Variants in GRID2 observed in about 807,000 individuals in gnomAD.
GRID2 encodes the protein glutamate ionotropic receptor delta type subunit 2, also known as glutamate receptor ionotropic, delta-2.
Under a neutral mutation model 114.8 loss-of-function variants are expected in GRID2, and 33 were observed. The ratio of observed to expected loss-of-function variants is 0.29; its 90% CI spans 0.22 to 0.38. GRID2 has a LOEUF of 0.38. Among genes scored for constraint, GRID2 ranks in the 10% least tolerant of loss-of-function variants. The pLI is 1.00. For missense variants in GRID2, 1,184 were observed against 1,257.7 expected (o/e 0.94, Z 0.89); for synonymous variants, 505 against 449.9 (o/e 1.12, Z -1.55).
intron 2 of GRID2, among the ~76,000 whole-genome samples, chr4:92,880,489 G>T (rs1490824783): frequency 6.6e-6 from 1 of 152,140 alleles, no homozygotes; most frequent in Non-Finnish European, 1.5e-5. Context: ...AATAATGAAT[G>T]ATTATAATTA....
intron 8 of GRID2, among the ~76,000 whole-genome samples, chr4:93,388,849 G>A (rs1444860327): frequency 1.3e-5 from 2 of 152,176 alleles, no homozygotes; most frequent in Non-Finnish European, 2.9e-5. Flanking sequence ...GAGAGGTGGT[G>A]AGACTGACAG....
At chr4:93,322,199 C>A (rs994537657) in intron 8 of GRID2, among the ~76,000 whole-genome samples, 8 of 152,092 alleles carry the variant, frequency 5.3e-5, no homozygotes, top group Admixed American at 3.9e-4. Context: ...CTCCCCGCTT[C>A]CCCCACCCAA....
At chr4:92,904,738 C>G (rs561041398) in intron 2 of GRID2, among the ~76,000 whole-genome samples, 2 of 152,000 alleles carry the variant, frequency 1.3e-5, no homozygotes, top group African/African-American at 4.8e-5. Flanking sequence ...GGAATCAGCT[C>G]AGGGGAGCAA....
intron 13 of GRID2, among the ~76,000 whole-genome samples, chr4:93,552,079 T>A (rs561955301): frequency 7.1e-6 from 1 of 139,988 alleles, no homozygotes; most frequent in African/African-American, 2.6e-5. Context: ...CCTTCCTGTG[T>A]CCATGTGTTC....
intron 2 of GRID2, among the ~76,000 whole-genome samples, chr4:92,895,538 A>T (rs1747102995): frequency 6.6e-6 from 1 of 151,748 alleles, no homozygotes; most frequent in Admixed American, 6.6e-5. Context: ...GGTAGACCGA[A>T]TTGGGATCAA....
chr4:93,705,194 C>T (rs942907324), intron 14 of GRID2, among the ~76,000 whole-genome samples: 3 of 152,154 alleles, frequency 2.0e-5, no homozygotes, highest in African/African-American at 7.2e-5. Flanking sequence ...TTACAGTTCT[C>T]TGATGATCAA....
At chr4:92,919,338 G>C (rs1208987874) in intron 2 of GRID2, among the ~76,000 whole-genome samples, 1 of 151,824 alleles carries the variant, frequency 6.6e-6, no homozygotes. Flanking sequence ...AGGGTTTTTT[G>C]TGTCTCTATT....
At chr4:93,462,196 A>G (rs1723812930) in intron 11 of GRID2, among the ~76,000 whole-genome samples, 2 of 152,184 alleles carry the variant, frequency 1.3e-5, no homozygotes, top group Admixed American at 6.5e-5. Flanking sequence ...TTTCACGAGT[A>G]TACTATGTGC....
chr4:92,926,528 A>G (rs1406397362), intron 2 of GRID2, among the ~76,000 whole-genome samples: 2 of 151,986 alleles, frequency 1.3e-5, no homozygotes, highest in African/African-American at 4.8e-5. Context: ...TGCTATATAC[A>G]TCATATTACC....
At chr4:93,726,888 G>C (rs951375651) in intron 14 of GRID2, among the ~76,000 whole-genome samples, 7 of 152,196 alleles carry the variant, frequency 4.6e-5, no homozygotes, top group African/African-American at 1.7e-4. Flanking sequence ...ATTTTGGGCT[G>C]AGACGATGGG....
chr4:92,338,681 G>A (rs1579202735), intron 1 of GRID2, among the ~76,000 whole-genome samples: 3 of 152,016 alleles, frequency 2.0e-5, no homozygotes. Context: ...TTACGTCTAT[G>A]TTCCTAAATG....
intron 14 of GRID2, among the ~76,000 whole-genome samples, chr4:93,745,813 T>A (rs1731794327): frequency 6.6e-6 from 1 of 152,216 alleles, no homozygotes; most frequent in African/African-American, 2.4e-5. Flanking sequence ...GCATATTTTA[T>A]TTTATTTCTT....
chr4:92,318,323 T>C (rs1402458251), intron 1 of GRID2, among the ~76,000 whole-genome samples: 1 of 144,326 alleles, frequency 6.9e-6, no homozygotes, highest in Non-Finnish European at 1.5e-5. Context: ...TTTTTTTTTT[T>C]TTGGTAAGCA....
At chr4:93,403,256 A>G (rs752204707) in intron 9 of GRID2, among the ~76,000 whole-genome samples, 6 of 152,154 alleles carry the variant, frequency 3.9e-5, no homozygotes, top group Admixed American at 6.6e-5. Context: ...ATAAAATATG[A>G]TAAGTGCCAT....
chr4:92,932,523 T>C (rs1016838785), intron 2 of GRID2, among the ~76,000 whole-genome samples: 4 of 151,240 alleles, frequency 2.6e-5, no homozygotes, highest in East Asian at 1.9e-4. Flanking sequence ...GTATTTAATA[T>C]CTGTCAATCC....
chr4:92,940,680 T>C (rs919728409), intron 2 of GRID2, among the ~76,000 whole-genome samples: 2 of 152,124 alleles, frequency 1.3e-5, no homozygotes, highest in Non-Finnish European at 2.9e-5. Flanking sequence ...GTTTTGCCCA[T>C]TCAGTATGAT....
intron 2 of GRID2, among the ~76,000 whole-genome samples, chr4:92,960,958 G>A (rs1048145562): frequency 2.6e-5 from 4 of 151,554 alleles, no homozygotes; most frequent in African/African-American, 9.7e-5. Flanking sequence ...TCTGAAGTTT[G>A]CAATATAAAT....
At chr4:92,884,268 G>T (rs1746217752) in intron 2 of GRID2, among the ~76,000 whole-genome samples, 1 of 152,184 alleles carries the variant, frequency 6.6e-6, no homozygotes, top group African/African-American at 2.4e-5. Flanking sequence ...TAGAGTTGAA[G>T]AGAGTTGGGG....
chr4:93,724,783 T>G (rs1256578038), intron 14 of GRID2, among the ~76,000 whole-genome samples: 1 of 151,878 alleles, frequency 6.6e-6, no homozygotes, highest in Non-Finnish European at 1.5e-5. Flanking sequence ...AGCTTATTTT[T>G]GTTGTTGTTG....
Sources: gnomAD v4.1 joint callset for allele counts (sites outside exome capture counted in the v4.1 genomes callset) on GRCh38, gnomAD v4.1.1 for gene constraint, MANE v1.5 for transcripts, NCBI Gene and HGNC (gene_info 2026-07-23, HGNC 2026-07-21) for gene names.